NACC2: variants seen among roughly 807,000 people sequenced by gnomAD.
The protein encoded by NACC2 is NACC family member 2.
NACC2 carries 8 observed loss-of-function variants against 25.1 expected under a neutral mutation model. The ratio of observed to expected loss-of-function variants is 0.32; its 90% CI spans 0.19 to 0.57. The LOEUF (loss-of-function observed/expected upper bound fraction) is 0.57, where lower values mean the gene tolerates loss of function less well. NACC2 is among the 20% of genes least tolerant of loss of function. The probability of loss-of-function intolerance (pLI) is 0.89; values close to 1 mark genes in which losing one functional copy is unlikely to be tolerated. For synonymous variants in NACC2, 435 were observed against 294.7 expected (o/e 1.48, Z -4.88); for missense variants, 644 against 650.2 (o/e 0.99, Z 0.10).
At position 136,020,006 on chromosome 9, in the gene NACC2, C is replaced by G. The variant is rs989055780; in HGVS notation, c.887-3577G>C. On this transcript the variant is annotated intron_variant, in intron 2 of 5. Transcript: ENST00000277554. This position sits in a 1 kb window ranked among gnomAD's most constrained non-coding sequence, Gnocchi z 4.7. ...TGGGTGCCGGGGCTGGGTGGGGGAACGGGGAGGGACCGTTTCATGGGGATG... is the reference window on the plus strand; with the variant it reads ...TGGGTGCCGGGGCTGGGTGGGGGAAGGGGGAGGGACCGTTTCATGGGGATG... Among the ~76,000 whole-genome samples the G allele has an allele frequency of 6.7e-6, 1 of 149,630 alleles. No homozygotes were observed. The highest frequency in any genetic ancestry group is 2.2e-4 in the South Asian group (1 of 4,540).
At chr9:136,077,298 C>T (rs1260042148) in intron 1 of NACC2, among the ~76,000 whole-genome samples, 1 of 152,168 alleles carries the variant, frequency 6.6e-6, no homozygotes, top group Non-Finnish European at 1.5e-5. Flanking sequence ...CCATTGCACT[C>T]CAGCCTGGGC....
At chr9:136,038,586 T>C (rs896283465) in intron 2 of NACC2, among the ~76,000 whole-genome samples, 1 of 152,016 alleles carries the variant, frequency 6.6e-6, no homozygotes, top group Non-Finnish European at 1.5e-5. Context: ...AAATTGTACA[T>C]CAAAGAGGAA....
intron 1 of NACC2, among the ~76,000 whole-genome samples, chr9:136,087,962 A>G (rs1435402508): frequency 2.9e-5 from 4 of 138,720 alleles, no homozygotes; most frequent in South Asian, 2.2e-4. Flanking sequence ...AAGTTCCGGG[A>G]GGTGACCTGG....
At position 136,086,431 on chromosome 9, in the gene NACC2, G is replaced by A. The variant is rs886341880; in HGVS notation, c.-60+8758C>T. 3.6e-4 allele frequency among the ~76,000 whole-genome samples: 55 copies of A among 152,252 alleles called. No homozygotes were observed. The highest frequency in any genetic ancestry group is 1.3e-3 in the African/African-American group (52 of 41,554). Reference sequence around the variant, plus strand: ...CTGGATGGCACCGGGCCTGGCTCTTGAGGTCCCAGGTCTGCGAGCGGCTGG... The same window carrying A: ...CTGGATGGCACCGGGCCTGGCTCTTAAGGTCCCAGGTCTGCGAGCGGCTGG... On this transcript the variant is annotated intron_variant, in intron 1 of 5. Coordinates refer to ENST00000277554, the MANE Select transcript of NACC2 (RefSeq NM_144653.5). The surrounding 1 kb of genome is among the most constrained non-coding windows in gnomAD (Gnocchi z 5.6).
intron 2 of NACC2, among the ~76,000 whole-genome samples, chr9:136,023,326 T>A (rs895954654): frequency 6.6e-6 from 1 of 151,852 alleles, no homozygotes; most frequent in Non-Finnish European, 1.5e-5. Context: ...GGCATGACCC[T>A]GCAGCCCGCC....
chr9:136,016,769 G>T (rs1442800075), intron 2 of NACC2, among the ~76,000 whole-genome samples: 1 of 152,200 alleles, frequency 6.6e-6, no homozygotes, highest in Non-Finnish European at 1.5e-5. Context: ...TGCAGAGCCT[G>T]CTTGCCGGGC....
intron 2 of NACC2, among the ~76,000 whole-genome samples, chr9:136,047,653 C>T (rs1034428642): frequency 5.9e-5 from 9 of 152,180 alleles, no homozygotes; most frequent in Admixed American, 3.9e-4. Flanking sequence ...GGTCTGAGTA[C>T]GGGGGAGTTG....
In NACC2 at chr9:136,013,160, C is replaced by T; in HGVS notation, c.1255+39G>A. On this transcript the variant is annotated intron_variant, in intron 5 of 5. Coordinates refer to ENST00000277554, the MANE Select transcript of NACC2 (RefSeq NM_144653.5). This position sits in a 1 kb window ranked among gnomAD's most constrained non-coding sequence, Gnocchi z 6.6. ...TCCTCAGGCTGGGATCTGAACCCAGCCCCGGCCCCACCCACCCGAGAGACC... is the reference window on the plus strand; with the variant it reads ...TCCTCAGGCTGGGATCTGAACCCAGTCCCGGCCCCACCCACCCGAGAGACC... 1 of 798,064 alleles carries T rather than the reference C, an allele frequency of 1.3e-6. No individual in the cohort carries two copies. Among genetic ancestry groups the T allele is most frequent in the African/African-American group, 1.7e-5 (1 of 58,132 alleles). The allele number at this position is 798,064 out of a possible 1,614,324, so 49.4% of individuals were successfully genotyped here.
In NACC2 at chr9:136,013,735, AC is replaced by A; in HGVS notation, c.1157+128del. 1 of 792,582 alleles carries A rather than the reference AC, an allele frequency of 1.3e-6. No individual in the cohort carries two copies. Among genetic ancestry groups the A allele is most frequent in the South Asian group, 1.8e-5 (1 of 54,954 alleles). The allele number at this position is 792,582 out of a possible 1,614,324, so 49.1% of individuals were successfully genotyped here. ...TCCACCGTCCTGGGGCCGACCGGCCACGGCTGAAGTCAGGAATGCGAGAGGG... is the reference window on the plus strand; with the variant it reads ...TCCACCGTCCTGGGGCCGACCGGCCAGGCTGAAGTCAGGAATGCGAGAGGG... On this transcript the variant is annotated intron_variant, in intron 4 of 5. Transcript: ENST00000277554. This position sits in a 1 kb window ranked among gnomAD's most constrained non-coding sequence, Gnocchi z 6.6.
At chr9:136,057,744 G>A (rs763539467) in intron 1 of NACC2, among the ~76,000 whole-genome samples, 5 of 152,180 alleles carry the variant, frequency 3.3e-5, no homozygotes, top group Non-Finnish European at 7.3e-5. Flanking sequence ...CGGCCGGGAG[G>A]GGAAGCACCC....
At position 136,054,226 on chromosome 9, in the gene NACC2, C is replaced by T. The variant is rs1011406476; in HGVS notation, c.-59-3646G>A. Among the ~76,000 whole-genome samples, 596 of 152,328 alleles carry T rather than the reference C, an allele frequency of 3.9e-3. 4 individuals carry two copies. The highest frequency in any genetic ancestry group is 0.013 in the African/African-American group (553 of 41,576). The stretch of plus-strand genomic sequence containing the variant: ...CGCCCAGCCCAGTTCGGCCTGCGTC[C>T]GCACCTCAGGAGCTGGAGCCCCAGG... On this transcript the variant is annotated intron_variant, in intron 1 of 5. Transcript: ENST00000277554.
intron 2 of NACC2, among the ~76,000 whole-genome samples, chr9:136,034,199 A>T (rs1198607065): frequency 6.6e-6 from 1 of 152,158 alleles, no homozygotes; most frequent in African/African-American, 2.4e-5. Flanking sequence ...GGCGGAAAAG[A>T]CCTTCTCAGG....
intron 2 of NACC2, among the ~76,000 whole-genome samples, chr9:136,027,364 T>C (rs1840408430): frequency 6.6e-6 from 1 of 152,228 alleles, no homozygotes; most frequent in Non-Finnish European, 1.5e-5. Context: ...GGCTCTGCTG[T>C]GGCCAACACA....
At chr9:136,015,099 G>T (rs1210439257) in intron 3 of NACC2, among the ~76,000 whole-genome samples, 3 of 152,160 alleles carry the variant, frequency 2.0e-5, no homozygotes, top group Non-Finnish European at 4.4e-5. Flanking sequence ...TCCTGCCAGG[G>T]TCTGGGCTGG....
rs79696449 is a variant in NACC2, at chr9:136,063,622, G to A, written c.-59-13042C>T. On this transcript the variant is annotated intron_variant, in intron 1 of 5. Coordinates refer to ENST00000277554, the MANE Select transcript of NACC2 (RefSeq NM_144653.5). ...AAAAAGGCCGAGCACGGTGGCTCAC[G>A]CCTGTAATCCCAGCACTTGGGAGGC... Among the ~76,000 whole-genome samples the A allele has an allele frequency of 3.9e-5, 6 of 152,174 alleles. No homozygotes were observed. In the South Asian group the frequency reaches 6.2e-4, roughly 16 times the overall value.
At position 136,019,004 on chromosome 9, in the gene NACC2, C is replaced by A. The variant is rs1840245255; in HGVS notation, c.887-2575G>T. Among the ~76,000 whole-genome samples, 1 of 152,140 alleles carries A rather than the reference C, an allele frequency of 6.6e-6. No individual in the cohort carries two copies. Among genetic ancestry groups the A allele is most frequent in the Non-Finnish European group, 1.5e-5 (1 of 68,024 alleles). ...CAGCCCCTGCCCAGCTCCCCAAGAG[C>A]CAGAGACTGTCAGCACCAGAGCGGC... On this transcript the variant is annotated intron_variant, in intron 2 of 5. Coordinates refer to ENST00000277554, the MANE Select transcript of NACC2 (RefSeq NM_144653.5). This position sits in a 1 kb window ranked among gnomAD's most constrained non-coding sequence, Gnocchi z 5.2.
chr9:136,030,481 G>C (rs564036326), intron 2 of NACC2, among the ~76,000 whole-genome samples: 1 of 151,976 alleles, frequency 6.6e-6, no homozygotes, highest in Admixed American at 6.5e-5. Context: ...ATGGTGGCAG[G>C]CGCCTGTAGT....
At chr9:136,068,897 A>G (rs1246251201) in intron 1 of NACC2, among the ~76,000 whole-genome samples, 1 of 150,664 alleles carries the variant, frequency 6.6e-6, no homozygotes, top group Non-Finnish European at 1.5e-5. Context: ...ACACCCATTA[A>G]AAGACAGAGA....
intron 1 of NACC2, among the ~76,000 whole-genome samples, chr9:136,078,502 A>T (rs1024802352): frequency 3.3e-5 from 5 of 152,234 alleles, no homozygotes; most frequent in African/African-American, 1.2e-4. Context: ...ACCCTACTGT[A>T]CAGATGAGAA....
Sources: gnomAD v4.1 joint callset for allele counts (sites outside exome capture counted in the v4.1 genomes callset) on GRCh38, gnomAD v4.1.1 for gene constraint, Gnocchi (gnomAD v3.1) non-coding constraint, MANE v1.5 for transcripts, NCBI Gene and HGNC (gene_info 2026-07-23, HGNC 2026-07-21) for gene names.